The following CCDC33 variants were observed in gnomAD, a reference collection of about 807,000 sequenced individuals.
The protein encoded by CCDC33 is coiled-coil domain containing 33.
In CCDC33, 94 loss-of-function variants were observed where a neutral mutation model predicts 91.9. The observed-to-expected ratio is 1.02, with a 90% CI of 0.87 to 1.21. The LOEUF is 1.21. CCDC33 is among the 50% of genes most tolerant of loss of function. The pLI, the probability that CCDC33 is intolerant of heterozygous loss-of-function variation, is 0.00. For synonymous variants in CCDC33, 396 were observed against 374.5 expected (o/e 1.06, Z -0.66); for missense variants, 940 against 935.5 (o/e 1.00, Z -0.06).
chr15:74,261,990 G>A (rs1331787120), intron 2 of CCDC33, among the ~76,000 whole-genome samples: 1 of 152,210 alleles, frequency 6.6e-6, no homozygotes, highest in Middle Eastern at 3.2e-3. Flanking sequence ...GAAGTTTAGG[G>A]AAATAAGGTG....
intron 10 of CCDC33, among the ~76,000 whole-genome samples, chr15:74,294,441 TAA>T (rs144322138): frequency 0.94 from 141,740 of 150,206 alleles, 67,247 homozygotes; most frequent in Non-Finnish European, 0.99. Context: ...AAATTTTATT[TAA>T]AAAAAAAAAA....
At chr15:74,254,404 C>A (rs1396297888) in intron 2 of CCDC33, among the ~76,000 whole-genome samples, 1 of 152,192 alleles carries the variant, frequency 6.6e-6, no homozygotes, top group South Asian at 2.1e-4. Context: ...TACTTTCAGG[C>A]CAAACACCTC....
At chr15:74,333,299 T>C (rs2060482024) in intron 16 of CCDC33, 1 of 1,594,804 alleles carries the variant, frequency 6.3e-7, no homozygotes, top group East Asian at 2.3e-5. Flanking sequence ...CCACTCAGAG[T>C]GCACAGAGAC....
chr15:74,308,668 C>A (rs1035226933), intron 11 of CCDC33, among the ~76,000 whole-genome samples: 2 of 152,174 alleles, frequency 1.3e-5, no homozygotes, highest in Non-Finnish European at 1.5e-5. Context: ...CTCAAACAGA[C>A]AAAAGGGGGC....
intron 1 of CCDC33, among the ~76,000 whole-genome samples, chr15:74,206,154 CAAG>C (rs1208747108): frequency 1.3e-5 from 2 of 152,226 alleles, no homozygotes; most frequent in African/African-American, 2.4e-5. Flanking sequence ...CCAGTTGTAA[CAAG>C]AAGGTCACAG....
chr15:74,334,939 C>T, intron 17 of CCDC33, 36 bp from the exon 18 acceptor site: 1 of 1,525,748 alleles, frequency 6.6e-7, no homozygotes, highest in Non-Finnish European at 9.1e-7. Flanking sequence ...GCCCTGCTGC[C>T]CATGGTCCTC....
intron 5 of CCDC33, among the ~76,000 whole-genome samples, chr15:74,269,455 C>A (rs576234356): frequency 2.9e-4 from 44 of 152,306 alleles, no homozygotes; most frequent in African/African-American, 9.6e-4. Flanking sequence ...CCTACAGCCA[C>A]CCCTCTGATG....
chr15:74,266,747 AC>A lies in CCDC33; in HGVS notation c.391del (p.Leu131CysfsTer12). The stretch of plus-strand genomic sequence containing the variant: ...TTGTCCTACAAAATCCCCATCAAGT[AC>A]CTGCGTGTCTTCCACCCCTACCACT... ...ELLSYKIPIKYLRVFHPYHFE... is the reference protein window; with the variant it reads ...ELLSYKIPIKXLRVFHPYHFE... On this transcript the variant is annotated frameshift_variant, in exon 4 of 19. Transcript: ENST00000398814. LOFTEE classifies it high-confidence loss of function. 6.2e-7 allele frequency: 1 copy of A among 1,614,134 alleles called. No homozygotes were observed. Among genetic ancestry groups the A allele is most frequent in the Non-Finnish European group, 8.5e-7 (1 of 1,179,986 alleles).
intron 3 of CCDC33, among the ~76,000 whole-genome samples, chr15:74,266,077 C>T (rs1237787243): frequency 2.0e-5 from 3 of 152,196 alleles, no homozygotes; most frequent in Middle Eastern, 6.3e-3. Flanking sequence ...AATATAGTCT[C>T]TTTGGAGGGT....
At chr15:74,203,352 G>A in intron 1 of CCDC33, 1 of 301,866 alleles carries the variant, frequency 3.3e-6, no homozygotes, top group Non-Finnish European at 4.9e-6. Flanking sequence ...GAGGTTGAGG[G>A]TGAGCAAGGG....
intron 6 of CCDC33, among the ~76,000 whole-genome samples, chr15:74,272,070 C>G (rs914075709): frequency 6.6e-6 from 1 of 152,136 alleles, no homozygotes; most frequent in South Asian, 2.1e-4. Context: ...GGATGAGTGC[C>G]GATACCAGGC....
In CCDC33 at chr15:74,268,406, G is replaced by A. The variant is rs770368612; in HGVS notation, c.494G>A (p.Arg165Gln). ...ACCCAGTTGTACGCAACAGTCGTTC[G>A]GAAGAGCAGCTTCATACCCCGCTAC... The part of the protein sequence containing the change: ...AKTQLYATVV[R>Q]KSSFIPRYIG... Residue 165 changes from arginine to glutamine, a missense_variant, in exon 5 of 19, where the codon CGG becomes CAG. By Grantham distance (43) the Arg-to-Gln change is conservative (BLOSUM62 1). Transcript: ENST00000398814. The A allele has an allele frequency of 7.4e-6, 12 of 1,611,326 alleles. No homozygotes were observed. The highest frequency in any genetic ancestry group is 2.7e-5 in the African/African-American group (2 of 74,726).
At chr15:74,229,015 G>A (rs2074888685) in intron 2 of CCDC33, among the ~76,000 whole-genome samples, 1 of 152,142 alleles carries the variant, frequency 6.6e-6, no homozygotes, top group African/African-American at 2.4e-5. Flanking sequence ...CGGACTTGCT[G>A]GCGCATCCCG....
intron 15 of CCDC33, 135 bp from the exon 16 acceptor site, chr15:74,332,544 G>A: frequency 2.3e-6 from 2 of 862,218 alleles, no homozygotes; most frequent in Non-Finnish European, 3.7e-6. Flanking sequence ...GATCCCACTG[G>A]TGGTAGGGAG....
chr15:74,209,194 C>T (rs188340576), intron 1 of CCDC33, among the ~76,000 whole-genome samples: 2 of 152,164 alleles, frequency 1.3e-5, no homozygotes, highest in Non-Finnish European at 2.9e-5. Flanking sequence ...ACACACAGGG[C>T]GGCTTGTCTC....
chr15:74,275,896 C>T (rs912565842), intron 7 of CCDC33, among the ~76,000 whole-genome samples: 3 of 152,178 alleles, frequency 2.0e-5, no homozygotes, highest in South Asian at 2.1e-4. Flanking sequence ...CTTGAACTCC[C>T]GACCTCTGGC....
intron 2 of CCDC33, among the ~76,000 whole-genome samples, chr15:74,210,842 G>C (rs551554423): frequency 2.6e-5 from 4 of 152,272 alleles, no homozygotes; most frequent in African/African-American, 9.6e-5. Flanking sequence ...CTCAAAAAGA[G>C]AGGTGTTCTC....
intron 10 of CCDC33, among the ~76,000 whole-genome samples, chr15:74,285,539 C>T (rs1279981611): frequency 1.3e-5 from 2 of 152,050 alleles, no homozygotes; most frequent in African/African-American, 4.8e-5. Flanking sequence ...GGGGACCTCC[C>T]TCTGCCCCAA....
intron 9 of CCDC33, 36 bp from the exon 10 acceptor site, chr15:74,281,742 G>T (rs771545662): frequency 3.8e-6 from 6 of 1,587,042 alleles, no homozygotes; most frequent in African/African-American, 1.3e-5. Flanking sequence ...AGCTGCCCTG[G>T]CCAGCATGGT....
Sources: gnomAD v4.1 joint callset for allele counts (sites outside exome capture counted in the v4.1 genomes callset) on GRCh38, gnomAD v4.1.1 for gene constraint, MANE v1.5 for transcripts, NCBI Gene and HGNC (gene_info 2026-07-23, HGNC 2026-07-21) for gene names.